Variants in CFAP46 observed in about 807,000 individuals in gnomAD.
CFAP46 encodes the protein cilia and flagella associated protein 46, also known as cilia- and flagella-associated protein 46.
Under a neutral mutation model 325.7 loss-of-function variants are expected in CFAP46, and 245 were observed. The observed-to-expected ratio is 0.75, with a 90% CI of 0.68 to 0.84. CFAP46 has a LOEUF of 0.84. CFAP46 is among the 40% of genes least tolerant of loss of function. CFAP46 has a pLI of 0.00. For synonymous variants in CFAP46, 1,523 were observed against 1,495.9 expected (o/e 1.02, Z -0.42); for missense variants, 3,346 against 3,543.0 (o/e 0.94, Z 1.41).
chr10:132,847,377 G>C lies in CFAP46; in HGVS notation c.5953-56C>G. 1 of 1,599,790 alleles carries C rather than the reference G, an allele frequency of 6.3e-7. No individual in the cohort carries two copies. The highest frequency in any genetic ancestry group is 8.5e-7 in the Non-Finnish European group (1 of 1,170,900). ...TTCTGGGTTCCTGCTTGGTCGGCGTGGGGAGGGCCCACCCAGGGAGGCCGG... is the reference window on the plus strand; with the variant it reads ...TTCTGGGTTCCTGCTTGGTCGGCGTCGGGAGGGCCCACCCAGGGAGGCCGG... On this transcript the variant is annotated intron_variant, in intron 41 of 57. Transcript: ENST00000368586. This position sits in a 1 kb window ranked among gnomAD's most constrained non-coding sequence, Gnocchi z 5.2.
intron 17 of CFAP46, among the ~76,000 whole-genome samples, chr10:132,915,291 T>C (rs543923790): frequency 6.6e-6 from 1 of 152,332 alleles, no homozygotes; most frequent in African/African-American, 2.4e-5. Flanking sequence ...GAAAGGCATC[T>C]GGAGCCCCTG....
intron 21 of CFAP46, 80 bp from the exon 22 acceptor site, chr10:132,908,714 C>T: frequency 7.0e-7 from 1 of 1,434,282 alleles, no homozygotes; most frequent in Non-Finnish European, 9.2e-7. Context: ...ACGGACCACG[C>T]AGCGCATGTG....
In CFAP46 at chr10:132,859,239, C is replaced by T; in HGVS notation, c.5207G>A (p.Ser1736Asn). Reference protein sequence around the residue: ...MITDLEARCLSLRVRVAQHSA... With the variant: ...MITDLEARCLNLRVRVAQHSA... ...GTGCTGCGCAACTCTGACCCGCAGG[C>T]TCAGGCACCTGACGGAGGGACGGTT... Residue 1736 changes from serine (S) to asparagine (N), a missense_variant, in exon 38 of 58, where the codon AGC (serine) becomes AAC (asparagine). Ser to Asn is a conservative substitution (Grantham distance 46). Transcript: ENST00000368586. 1 of 1,548,306 alleles carries T rather than the reference C, an allele frequency of 6.5e-7. No homozygotes were observed. The highest frequency in any genetic ancestry group is 2.4e-5 in the East Asian group (1 of 40,864).
intron 17 of CFAP46, among the ~76,000 whole-genome samples, chr10:132,913,813 A>G (rs1300719731): frequency 9.6e-6 from 1 of 103,786 alleles, no homozygotes; most frequent in Non-Finnish European, 1.8e-5. Context: ...CATGGGGCAG[A>G]GCGTCTCTGC....
At chr10:132,933,075 G>A (rs952107814) in intron 8 of CFAP46, among the ~76,000 whole-genome samples, 3 of 152,232 alleles carry the variant, frequency 2.0e-5, no homozygotes, top group Non-Finnish European at 4.4e-5. Context: ...CACAATTGGC[G>A]GCTGCTGGCA....
In CFAP46 at chr10:132,868,752, G is replaced by C. The variant is rs550986183; in HGVS notation, c.4610+522C>G. On this transcript the variant is annotated intron_variant, in intron 33 of 57. Coordinates refer to ENST00000368586, the MANE Select transcript of CFAP46 (RefSeq NM_001200049.3). ...TGTATCACTTACGTAATTTTAAAAA[G>C]TATCTTGTAAAAACTAATAAAAACA... Among the ~76,000 whole-genome samples the C allele has an allele frequency of 6.6e-5, 10 of 152,284 alleles. No homozygotes were observed. In the East Asian group the frequency reaches 1.9e-3, roughly 29 times the overall value.
intron 44 of CFAP46, among the ~76,000 whole-genome samples, chr10:132,845,200 G>A (rs989253641): frequency 2.6e-5 from 4 of 152,208 alleles, no homozygotes; most frequent in Admixed American, 6.5e-5. Flanking sequence ...TCCTGTCCTC[G>A]GGCCTGGGCT....
intron 9 of CFAP46, among the ~76,000 whole-genome samples, chr10:132,927,920 C>T (rs1025060964): frequency 5.3e-5 from 8 of 152,172 alleles, no homozygotes; most frequent in African/African-American, 1.9e-4. Context: ...TAGAGAAGGT[C>T]GCTTTCGACC....
chr10:132,808,528 A>G lies in CFAP46; in HGVS notation c.8041T>C (p.Cys2681Arg), dbSNP rs2134731910. The G allele has an allele frequency of 6.2e-7, 1 of 1,613,064 alleles. No homozygotes were observed. The highest frequency in any genetic ancestry group is 1.1e-5 in the South Asian group (1 of 91,070). Reference protein sequence around the residue: ...APWGLRRGWSCVSSRGQDKGG... With the variant: ...APWGLRRGWSRVSSRGQDKGG... ...TTGTCCTGGCCCCGGGAAGAGACGC[A>G]GCTCCAGCCCCGACGCAGACCCCAT... The change falls in exon 58 of 58, where the codon TGC becomes CGC. Residue 2681 changes from cysteine to arginine, a missense_variant. Cys to Arg is a radical substitution (Grantham distance 180). Coordinates refer to ENST00000368586, the MANE Select transcript of CFAP46 (RefSeq NM_001200049.3). The surrounding 1 kb of genome is among the most constrained non-coding windows in gnomAD (Gnocchi z 6.8).
intron 44 of CFAP46, among the ~76,000 whole-genome samples, chr10:132,844,002 G>A (rs1265611546): frequency 4.4e-5 from 5 of 114,832 alleles, no homozygotes; most frequent in African/African-American, 6.9e-5. Flanking sequence ...GTGTTCCCAG[G>A]GTGCTGTGGG....
intron 24 of CFAP46, among the ~76,000 whole-genome samples, chr10:132,897,817 C>A (rs931897945): frequency 2.0e-5 from 3 of 152,214 alleles, no homozygotes; most frequent in African/African-American, 4.8e-5. Flanking sequence ...GGAGGCAGTC[C>A]CCCGGAGGAG....
In CFAP46 at chr10:132,850,429, A is replaced by G. The variant is rs151247898; in HGVS notation, c.5767T>C (p.Trp1923Arg). 14,945 of 1,559,432 alleles carry G rather than the reference A, an allele frequency of 9.6e-3. 141 individuals carry two copies. The highest frequency in any genetic ancestry group is 0.038 in the Middle Eastern group (226 of 5,926). ...TSDYTSVGLQ[W>R]FTLKRTLAHG... is the part of the protein sequence containing the mutation. Reference sequence around the variant, plus strand: ...GCTAGAGTCCGCTTCAGCGTGAACCATTGCTTCGAAAAGACAGACATGTTA... The same window carrying G: ...GCTAGAGTCCGCTTCAGCGTGAACCGTTGCTTCGAAAAGACAGACATGTTA... Residue 1923 changes from tryptophan to arginine, a missense_variant, in exon 41 of 58, where the codon TGG (tryptophan) becomes CGG (arginine). By Grantham distance (101) the Trp-to-Arg change is moderately radical (BLOSUM62 -3). Coordinates refer to ENST00000368586, the MANE Select transcript of CFAP46 (RefSeq NM_001200049.3).
At chr10:132,844,114 G>A (rs1409451152) in intron 44 of CFAP46, among the ~76,000 whole-genome samples, 1 of 144,616 alleles carries the variant, frequency 6.9e-6, no homozygotes, top group Non-Finnish European at 1.5e-5. Flanking sequence ...TGTTCCCAGG[G>A]TGCTGTGGAG....
rs763677201 is a variant in CFAP46, at chr10:132,884,184, G to A, written c.3627+919C>T. 9.2e-5 allele frequency among the ~76,000 whole-genome samples: 14 copies of A among 152,064 alleles called. No homozygotes were observed. The highest frequency in any genetic ancestry group is 2.0e-4 in the Admixed American group (3 of 15,284). Reference sequence around the variant, plus strand: ...AGCCAGGTCCCTGCCTGATACCCGCGAACCCTAGCAGGGCAACTGCCGAGG... The same window carrying A: ...AGCCAGGTCCCTGCCTGATACCCGCAAACCCTAGCAGGGCAACTGCCGAGG... On this transcript the variant is annotated intron_variant, in intron 27 of 57. Transcript: ENST00000368586. The surrounding 1 kb of genome is among the most constrained non-coding windows in gnomAD (Gnocchi z 5.4).
At chr10:132,813,847 C>A (rs1286139417) in intron 54 of CFAP46, among the ~76,000 whole-genome samples, 1 of 152,242 alleles carries the variant, frequency 6.6e-6, no homozygotes, top group Non-Finnish European at 1.5e-5. Context: ...ATCTGGGGGG[C>A]AGAGTCTGCG....
intron 44 of CFAP46, among the ~76,000 whole-genome samples, chr10:132,845,804 C>A (rs984010764): frequency 6.6e-6 from 1 of 152,136 alleles, no homozygotes; most frequent in Non-Finnish European, 1.5e-5. Flanking sequence ...CCTGGCTGTG[C>A]GTTTGTAGTT....
intron 43 of CFAP46, 66 bp downstream of exon 43, chr10:132,846,866 C>A (rs1328783308): frequency 3.6e-5 from 55 of 1,517,400 alleles, no homozygotes; most frequent in Non-Finnish European, 4.7e-5. Flanking sequence ...AGGGCCCCAG[C>A]TGAAGCCCAG....
At position 132,846,168 on chromosome 10, in the gene CFAP46, G is replaced by T. The variant is rs565677737; in HGVS notation, c.6327C>A (p.Ser2109Arg). The T allele has an allele frequency of 3.1e-6, 5 of 1,611,850 alleles. No homozygotes were observed. The highest frequency in any genetic ancestry group is 3.3e-5 in the Admixed American group (2 of 59,920). ...DVLLAATANT[S>R]SSQLAALLQL... ...GCAGCAGGGCCGCCAGCTGTGAGCT[G>T]CTGGTGTTGGCTGTGGCTGCAAGCA... The change falls in exon 44 of 58, where the codon AGC (serine) becomes AGA (arginine). Residue 2109 changes from serine to arginine, a missense_variant. Physicochemically the swap from Ser to Arg is moderately radical, Grantham distance 110 (BLOSUM62 -1). Transcript: ENST00000368586.
At position 132,922,164 on chromosome 10, in the gene CFAP46, C is replaced by T. The variant is rs1304671373; in HGVS notation, c.1546G>A (p.Gly516Ser). 7.7e-6 allele frequency: 12 copies of T among 1,550,468 alleles called. No homozygotes were observed. The highest frequency in any genetic ancestry group is 9.6e-6 in the Non-Finnish European group (11 of 1,146,960). The change falls in exon 13 of 58, where the codon GGC becomes AGC. Residue 516 changes from glycine (G) to serine (S), a missense_variant. Coordinates refer to ENST00000368586, the MANE Select transcript of CFAP46 (RefSeq NM_001200049.3). ...RKKRALLVNA[G>S]LALAPDAFQI... ...AACGCGTCAGGGGCTAAGGCCAGGC[C>T]TGCATTCACCAGGAGGGCCCGCTTC...
Sources: allele counts gnomAD v4.1 joint callset (sites outside exome capture counted in the v4.1 genomes callset), GRCh38; gene constraint gnomAD v4.1.1; non-coding constraint Gnocchi (gnomAD v3.1); transcripts MANE v1.5; gene names NCBI Gene and HGNC (gene_info 2026-07-23, HGNC 2026-07-21).